SYNPR: variants seen among roughly 807,000 people sequenced by gnomAD.
SYNPR encodes synaptoporin.
A neutral mutation model predicts 32.9 loss-of-function variants in SYNPR; 23 were observed. That is an observed-to-expected ratio of 0.70 (90% CI 0.50 to 0.99). The LOEUF (loss-of-function observed/expected upper bound fraction) is 0.99. Ranked by LOEUF, SYNPR falls within the 50% of genes least tolerant of loss-of-function variation. The pLI, the probability that SYNPR is intolerant of heterozygous loss-of-function variation, is 0.00. For synonymous variants in SYNPR, 146 were observed against 135.9 expected (o/e 1.07, Z -0.52); for missense variants, 318 against 349.3 (o/e 0.91, Z 0.71).
At chr3:63,317,956 T>G (rs1575596558) in intron 2 of SYNPR, among the ~76,000 whole-genome samples, 1 of 152,078 alleles carries the variant, frequency 6.6e-6, no homozygotes, top group East Asian at 1.9e-4. Context: ...TTGGTAATGG[T>G]GAATTCTCTC....
At chr3:63,430,361 TACACACACACACACAC>T (rs3083163) in intron 2 of SYNPR, among the ~76,000 whole-genome samples, 5 of 148,326 alleles carry the variant, frequency 3.4e-5, no homozygotes, top group South Asian at 2.2e-4. Context: ...ACACTGAGAA[TACACACACACACACAC>T]ACACACACAC....
chr3:63,391,821 C>A (rs758127421), intron 2 of SYNPR, among the ~76,000 whole-genome samples: 1 of 152,120 alleles, frequency 6.6e-6, no homozygotes, highest in East Asian at 1.9e-4. Flanking sequence ...TGTGCTAACC[C>A]CATTTTACAG....
chr3:63,374,360 C>T lies in SYNPR; in HGVS notation c.84+95618C>T, dbSNP rs189741080. On this transcript the variant is annotated intron_variant, in intron 2 of 5. Coordinates refer to ENST00000478300, the MANE Select transcript of SYNPR (RefSeq NM_001130003.2). ...ATCACATTTATTCTCACTGCATATTCTCACTTATAAATGGGAGCTAAACAA... is the reference window on the plus strand; with the variant it reads ...ATCACATTTATTCTCACTGCATATTTTCACTTATAAATGGGAGCTAAACAA... 1.3e-4 allele frequency among the ~76,000 whole-genome samples: 20 copies of T among 152,154 alleles called. 1 individual carries two copies. The Middle Eastern group carries it at 0.01, about 78-fold the overall frequency.
At chr3:63,543,382 G>T (rs1368691942) in intron 3 of SYNPR, among the ~76,000 whole-genome samples, 1 of 152,074 alleles carries the variant, frequency 6.6e-6, no homozygotes, top group Non-Finnish European at 1.5e-5. Flanking sequence ...ATAGTCACAT[G>T]ATTTAGACAT....
chr3:63,445,409 C>T (rs1700257343), intron 2 of SYNPR: 1 of 567,008 alleles, frequency 1.8e-6, no homozygotes, highest in African/African-American at 1.9e-5. Flanking sequence ...ACAAGTATCA[C>T]TTCTGAAAGG....
intron 2 of SYNPR, among the ~76,000 whole-genome samples, chr3:63,350,044 C>G (rs1156260760): frequency 6.6e-6 from 1 of 152,056 alleles, no homozygotes; most frequent in East Asian, 1.9e-4. Flanking sequence ...TAAACTAAAG[C>G]TAACTGATAA....
At chr3:63,461,252 G>C (rs1405666817) in intron 2 of SYNPR, among the ~76,000 whole-genome samples, 1 of 152,018 alleles carries the variant, frequency 6.6e-6, no homozygotes, top group East Asian at 1.9e-4. Context: ...CATTGGACTT[G>C]TAGCATTAAG....
At chr3:63,234,231 A>G (rs2106875418) in intron 1 of SYNPR, among the ~76,000 whole-genome samples, 1 of 152,274 alleles carries the variant, frequency 6.6e-6, no homozygotes, top group East Asian at 1.9e-4. Context: ...CCTCCTTATA[A>G]AAACATCAAA....
chr3:63,285,386 G>T (rs1378666570), intron 2 of SYNPR, among the ~76,000 whole-genome samples: 1 of 151,550 alleles, frequency 6.6e-6, no homozygotes, highest in Non-Finnish European at 1.5e-5. Flanking sequence ...TAAAAAAAGT[G>T]TGCATAAGTC....
intron 1 of SYNPR, among the ~76,000 whole-genome samples, chr3:63,232,367 AATTTTTGT>A (rs551208089): frequency 1.7e-3 from 263 of 151,758 alleles, no homozygotes; most frequent in African/African-American, 6.0e-3. Context: ...AGGCCCGGTG[AATTTTTGT>A]ATTTTTAGTA....
intron 2 of SYNPR, among the ~76,000 whole-genome samples, chr3:63,468,001 A>G (rs1174494688): frequency 1.3e-5 from 2 of 151,864 alleles, no homozygotes; most frequent in African/African-American, 2.4e-5. Flanking sequence ...GGAGTTTGAG[A>G]CCACCCTGAC....
Position 63,615,599 on chromosome 3 carries a change from G to T in SYNPR, c.*118G>T. The stretch of plus-strand genomic sequence containing the variant: ...CAGAGAGTATTGAATGTAAATCAGA[G>T]CTCTCTAGTCTTCATTAAGGCAGCA... On this transcript the variant is annotated 3_prime_UTR_variant, in exon 6 of 6. Coordinates refer to ENST00000478300, the MANE Select transcript of SYNPR (RefSeq NM_001130003.2). The T allele has an allele frequency of 7.4e-7, 1 of 1,360,132 alleles. No individual in the cohort carries two copies. Among genetic ancestry groups the T allele is most frequent in the East Asian group, 2.5e-5 (1 of 40,724 alleles). 84.3% of individuals were successfully genotyped at this position (1,360,132 alleles called of 1,614,324 possible).
chr3:63,576,121 C>A (rs1444115397), intron 4 of SYNPR, among the ~76,000 whole-genome samples: 1 of 152,098 alleles, frequency 6.6e-6, no homozygotes, highest in Admixed American at 6.6e-5. Context: ...ACTGTGCTTT[C>A]TTTTACTAGA....
At chr3:63,486,666 T>TTGATTGATCAATC (rs1701160985) in intron 3 of SYNPR, among the ~76,000 whole-genome samples, 1 of 152,200 alleles carries the variant, frequency 6.6e-6, no homozygotes, top group Non-Finnish European at 1.5e-5. Flanking sequence ...ATTGATCAAC[T>TTGATTGATCAATC]GCTTGATTGA....
chr3:63,564,433 G>A (rs538925261), intron 4 of SYNPR, among the ~76,000 whole-genome samples: 42 of 151,820 alleles, frequency 2.8e-4, no homozygotes, highest in African/African-American at 9.7e-4. Context: ...CTGACCTTGC[G>A]ATCCACCTGC....
At chr3:63,517,052 C>A (rs1033128449) in intron 3 of SYNPR, among the ~76,000 whole-genome samples, 3 of 152,056 alleles carry the variant, frequency 2.0e-5, no homozygotes, top group Admixed American at 1.3e-4. Flanking sequence ...AACCTGTGGG[C>A]CTCAGGGTGA....
chr3:63,274,200 GT>G (rs147382371), upstream of SYNPR, among the ~76,000 whole-genome samples: 1 of 152,084 alleles, frequency 6.6e-6, no homozygotes, highest in Non-Finnish European at 1.5e-5. Context: ...TTTTAAATTA[GT>G]TTTTTGTCTT....
chr3:63,476,880 T>G (rs1339498866), intron 2 of SYNPR, among the ~76,000 whole-genome samples: 3 of 152,222 alleles, frequency 2.0e-5, no homozygotes, highest in Non-Finnish European at 4.4e-5. Flanking sequence ...GGTGGGAAAC[T>G]TCCTTATCCT....
chr3:63,371,575 C>A (rs540427277), intron 2 of SYNPR, among the ~76,000 whole-genome samples: 1 of 152,222 alleles, frequency 6.6e-6, no homozygotes, highest in Non-Finnish European at 1.5e-5. Context: ...ACTATTTTTG[C>A]TGCCCTGCAG....
Sources: allele counts gnomAD v4.1 joint callset (sites outside exome capture counted in the v4.1 genomes callset), GRCh38; gene constraint gnomAD v4.1.1; transcripts MANE v1.5; gene names NCBI Gene and HGNC (gene_info 2026-07-23, HGNC 2026-07-21).